The following SHANK2 variants were observed in gnomAD, a reference collection of about 807,000 sequenced individuals.
SHANK2 encodes SH3 and multiple ankyrin repeat domains 2.
A neutral mutation model predicts 133.7 loss-of-function variants in SHANK2; 43 were observed. The observed-to-expected ratio is 0.32, with a 90% confidence interval of 0.25 to 0.41. The LOEUF (loss-of-function observed/expected upper bound fraction) is 0.41, where lower values mean the gene tolerates loss of function less well. SHANK2 is among the 10% of genes least tolerant of loss of function. SHANK2 has a pLI of 1.00. For synonymous variants in SHANK2, 1,017 were observed against 952.8 expected, an observed-to-expected ratio of 1.07 and a Z score of -1.24; for missense variants, 1,994 against 2,235.8, an observed-to-expected ratio of 0.89 and a Z score of 2.18.
rs1417760266 is a variant in SHANK2 at position 70,849,854 on chromosome 11, A to C, written c.1175-29172T>G. Among the ~76,000 whole-genome samples, 3 of 152,170 alleles carry C rather than the reference A, an allele frequency of 2.0e-5. No individual in the cohort carries two copies. In the East Asian group the frequency reaches 5.8e-4, roughly 29 times the overall value. ...TTTTACTCATGGCAAAATACATATA[A>C]AATTTACCATGTTCATCATTTTTAA... On this transcript the variant is annotated intron_variant, in intron 11 of 25. Coordinates refer to ENST00000601538, the MANE Select transcript of SHANK2 (RefSeq NM_012309.5).
chr11:70,788,112 C>T (rs1051712253), intron 14 of SHANK2, among the ~76,000 whole-genome samples: 3 of 152,118 alleles, frequency 2.0e-5, no homozygotes, highest in African/African-American at 7.2e-5. Flanking sequence ...ATATGGCTCC[C>T]GAGGGAGAGC....
At chr11:70,783,962 T>C (rs1049517701) in intron 14 of SHANK2, among the ~76,000 whole-genome samples, 5 of 152,082 alleles carry the variant, frequency 3.3e-5, no homozygotes, top group African/African-American at 1.2e-4. Flanking sequence ...GTGTGAGCCT[T>C]GGAGGTGACA....
intron 14 of SHANK2, among the ~76,000 whole-genome samples, chr11:70,741,340 TATCCATCC>T (rs111526364): frequency 8.7e-5 from 13 of 148,930 alleles, no homozygotes; most frequent in Non-Finnish European, 1.5e-4. Context: ...CCCATCTATC[TATCCATCC>T]ATCCATCCAT....
chr11:71,212,226 G>A (rs943978782), intron 2 of SHANK2, among the ~76,000 whole-genome samples: 5 of 152,170 alleles, frequency 3.3e-5, no homozygotes, highest in Admixed American at 2.0e-4. Context: ...TTATGCTACA[G>A]TTGGGTCTTA....
intron 17 of SHANK2, among the ~76,000 whole-genome samples, chr11:70,655,236 G>A (rs1164889229): frequency 6.6e-6 from 1 of 152,190 alleles, no homozygotes; most frequent in African/African-American, 2.4e-5. Flanking sequence ...TCACAAAAAA[G>A]TATTTGCTAA....
intron 14 of SHANK2, among the ~76,000 whole-genome samples, chr11:70,715,730 C>T (rs533522753): frequency 8.5e-5 from 13 of 152,322 alleles, no homozygotes; most frequent in African/African-American, 1.9e-4. Context: ...CTGATGAGCT[C>T]GGCTGGGAGT....
intron 17 of SHANK2, among the ~76,000 whole-genome samples, chr11:70,506,441 G>C (rs889391431): frequency 6.6e-6 from 1 of 152,212 alleles, no homozygotes; most frequent in Non-Finnish European, 1.5e-5. Context: ...AGAGCTCAGA[G>C]GAAATGAGGC....
chr11:70,502,742 C>CG lies in SHANK2; in HGVS notation c.2197+53_2197+54insC, dbSNP rs1491325181. On this transcript the variant is annotated intron_variant, in intron 18 of 25. Transcript: ENST00000601538. ...CCCCCAGCTGTCCTGCCCGCCCCCA[C>CG]CCCCCCCCCCCAGTAGGGCCCCAGG... is the stretch of plus-strand genomic sequence containing the variant. 18 of 434,398 alleles carry CG rather than the reference C, an allele frequency of 4.1e-5. 1 individual carries two copies. The highest frequency in any genetic ancestry group is 1.5e-4 in the East Asian group (1 of 6,734). 26.9% of individuals were successfully genotyped at this position (434,398 alleles called of 1,614,324 possible).
intron 17 of SHANK2, among the ~76,000 whole-genome samples, chr11:70,593,260 T>C (rs1292540781): frequency 1.3e-5 from 2 of 152,238 alleles, no homozygotes; most frequent in African/African-American, 2.4e-5. Context: ...TCTTGCTGCA[T>C]TGAGAAAAAT....
intron 21 of SHANK2, among the ~76,000 whole-genome samples, chr11:70,492,989 T>G (rs1175833638): frequency 6.6e-6 from 1 of 151,584 alleles, no homozygotes; most frequent in Non-Finnish European, 1.5e-5. Context: ...AGAGACGGAG[T>G]TTCACCATGT....
At chr11:70,659,253 A>G (rs1378201281) in intron 17 of SHANK2, among the ~76,000 whole-genome samples, 1 of 152,170 alleles carries the variant, frequency 6.6e-6, no homozygotes, top group Non-Finnish European at 1.5e-5. Flanking sequence ...TTCATTTTCA[A>G]AGCATCTGAA....
rs1261464279 is a variant in SHANK2 at position 70,888,912 on chromosome 11, T to C, written c.1174+7589A>G. 3.3e-5 allele frequency among the ~76,000 whole-genome samples: 5 copies of C among 152,066 alleles called. No homozygotes were observed. The South Asian group carries it at 8.3e-4, about 25-fold the overall frequency. On this transcript the variant is annotated intron_variant, in intron 11 of 25. Transcript: ENST00000601538. The stretch of plus-strand genomic sequence containing the variant: ...GGAGGAGCCATCCATCCAACATGCA[T>C]TGCCTGAGGCCCCACCACGTGCCTA...
At chr11:70,601,779 A>T (rs1554991134) in intron 17 of SHANK2, among the ~76,000 whole-genome samples, 1 of 152,246 alleles carries the variant, frequency 6.6e-6, no homozygotes, top group African/African-American at 2.4e-5. Context: ...AACATAAAAG[A>T]TGCTCAAGTC....
chr11:70,701,107 G>A (rs1285684412), intron 14 of SHANK2, among the ~76,000 whole-genome samples: 1 of 152,152 alleles, frequency 6.6e-6, no homozygotes, highest in Non-Finnish European at 1.5e-5. Flanking sequence ...GGCTGAAATC[G>A]GAGGCCGGGG....
chr11:71,138,918 G>A (rs1952499854), intron 3 of SHANK2, among the ~76,000 whole-genome samples: 1 of 152,198 alleles, frequency 6.6e-6, no homozygotes, highest in African/African-American at 2.4e-5. Context: ...AGGCAGCACA[G>A]CGGGAATGAG....
At chr11:70,912,987 T>C (rs1411560327) in intron 10 of SHANK2, among the ~76,000 whole-genome samples, 1 of 152,008 alleles carries the variant, frequency 6.6e-6, no homozygotes, top group Non-Finnish European at 1.5e-5. Flanking sequence ...TCTCTGGACT[T>C]ATCAATTTAC....
At chr11:71,116,172 G>T (rs1306858766) in intron 4 of SHANK2, among the ~76,000 whole-genome samples, 4 of 152,238 alleles carry the variant, frequency 2.6e-5, no homozygotes, top group African/African-American at 4.8e-5. Context: ...GGGCGTCCAT[G>T]ACATCTTGGG....
intron 17 of SHANK2, chr11:70,654,465 C>T (rs993969682): frequency 6.6e-5 from 10 of 152,226 alleles, no homozygotes; most frequent in African/African-American, 2.4e-4. Flanking sequence ...AACACAATCT[C>T]ACCACCTAGG....
intron 12 of SHANK2, among the ~76,000 whole-genome samples, 181 bp downstream of exon 12, chr11:70,820,183 C>T (rs1159944095): frequency 6.6e-6 from 1 of 152,214 alleles, no homozygotes. Context: ...TGACCCCAGC[C>T]CCCCAAGGGG....
Sources: allele counts gnomAD v4.1 joint callset (sites outside exome capture counted in the v4.1 genomes callset), GRCh38; gene constraint gnomAD v4.1.1; transcripts MANE v1.5; gene names NCBI Gene and HGNC (gene_info 2026-07-23, HGNC 2026-07-21).